The following ZNF804A variants were observed in gnomAD, a reference collection of about 807,000 sequenced individuals.
The protein encoded by ZNF804A is zinc finger protein 804A.
In ZNF804A, 2 loss-of-function variants were observed where a neutral mutation model predicts 16.5. The observed-to-expected ratio is 0.12, with a 90% confidence interval of 0.05 to 0.38. The LOEUF (loss-of-function observed/expected upper bound fraction) is 0.38, where lower values mean the gene tolerates loss of function less well. ZNF804A is among the 10% of genes least tolerant of loss of function. The pLI is 0.99. For synonymous variants in ZNF804A, 534 were observed against 489.6 expected (o/e 1.09, Z -1.20); for missense variants, 1,473 against 1,390.7 (o/e 1.06, Z -0.94).
At chr2:184,810,401 T>C (rs1323886598) in intron 1 of ZNF804A, among the ~76,000 whole-genome samples, 2 of 152,086 alleles carry the variant, frequency 1.3e-5, no homozygotes, top group Non-Finnish European at 2.9e-5. Flanking sequence ...TACTTATTTT[T>C]TTAGATTTAC....
intron 1 of ZNF804A, among the ~76,000 whole-genome samples, chr2:184,695,465 T>TTAAAAAAAA (rs1188268647): frequency 2.5e-4 from 13 of 51,830 alleles, no homozygotes; most frequent in African/African-American, 1.1e-3. Flanking sequence ...ACTCCGTCAT[T>TTAAAAAAAA]AAAAAAAAAA....
rs140502607 is a variant in ZNF804A at position 184,790,625 on chromosome 2, A to G, written c.112-75744A>G. ...TTTTATTTATTTATTTATTTTTGAG[A>G]TGGAGTCTTGCTCTGTTGCCCAGGC... On this transcript the variant is annotated intron_variant, in intron 1 of 3. Transcript: ENST00000302277. 3.1e-3 allele frequency among the ~76,000 whole-genome samples: 474 copies of G among 151,892 alleles called. 2 individuals carry two copies. Among genetic ancestry groups the G allele is most frequent in the Non-Finnish European group, 5.4e-3 (366 of 67,954 alleles).
rs116528567 is a variant in ZNF804A, at chr2:184,914,567, C to T, written c.256-19036C>T. On this transcript the variant is annotated intron_variant, in intron 2 of 3. Coordinates refer to ENST00000302277, the MANE Select transcript of ZNF804A (RefSeq NM_194250.2). Reference sequence around the variant, plus strand: ...CCTAATAACAGAAATTGATATTCCACCTTTATTCTGTGTCTAAGAGTTGGA... The same window carrying T: ...CCTAATAACAGAAATTGATATTCCATCTTTATTCTGTGTCTAAGAGTTGGA... Among the ~76,000 whole-genome samples, 567 of 152,232 alleles carry T rather than the reference C, an allele frequency of 3.7e-3. 3 individuals are homozygous for T. Among genetic ancestry groups the T allele is most frequent in the African/African-American group, 0.013 (545 of 41,534 alleles).
At chr2:184,773,148 T>C (rs1402947166) in intron 1 of ZNF804A, among the ~76,000 whole-genome samples, 1 of 151,486 alleles carries the variant, frequency 6.6e-6, no homozygotes, top group Non-Finnish European at 1.5e-5. Context: ...TTTGACTATT[T>C]TTCTCTATTT....
At chr2:184,705,388 A>T (rs544117571) in intron 1 of ZNF804A, among the ~76,000 whole-genome samples, 30 of 152,226 alleles carry the variant, frequency 2.0e-4, no homozygotes, top group Non-Finnish European at 3.8e-4. Flanking sequence ...AAAAATAAAT[A>T]TGATATTACA....
chr2:184,777,602 TA>T (rs1001375247), intron 1 of ZNF804A, among the ~76,000 whole-genome samples: 6 of 151,548 alleles, frequency 4.0e-5, no homozygotes, highest in African/African-American at 1.5e-4. Flanking sequence ...AAGCCCTAGT[TA>T]AAAAAACAAA....
At position 184,769,066 on chromosome 2, in the gene ZNF804A, G is replaced by T. The variant is rs182337394; in HGVS notation, c.112-97303G>T. 2.5e-4 allele frequency among the ~76,000 whole-genome samples: 38 copies of T among 152,066 alleles called. No individual in the cohort carries two copies. In the East Asian group the frequency reaches 7.2e-3, roughly 29 times the overall value. Reference sequence around the variant, plus strand: ...TTTGCTTTTATTCATATGTTTTATAGCACTTTCATGTCTTGTGTAGAGGGA... The same window carrying T: ...TTTGCTTTTATTCATATGTTTTATATCACTTTCATGTCTTGTGTAGAGGGA... On this transcript the variant is annotated intron_variant, in intron 1 of 3. Coordinates refer to ENST00000302277, the MANE Select transcript of ZNF804A (RefSeq NM_194250.2).
chr2:184,702,891 T>C (rs1692944775), intron 1 of ZNF804A, among the ~76,000 whole-genome samples: 1 of 152,288 alleles, frequency 6.6e-6, no homozygotes, highest in African/African-American at 2.4e-5. Context: ...GTAATGGCAG[T>C]TTTGTTCCTT....
chr2:184,806,907 T>A (rs1221766143), intron 1 of ZNF804A, among the ~76,000 whole-genome samples: 1 of 151,802 alleles, frequency 6.6e-6, no homozygotes, highest in Non-Finnish European at 1.5e-5. Flanking sequence ...TTTATTTAAA[T>A]AGAACAGAAG....
intron 2 of ZNF804A, among the ~76,000 whole-genome samples, chr2:184,873,706 C>T (rs1199616852): frequency 6.6e-6 from 1 of 151,902 alleles, no homozygotes; most frequent in Non-Finnish European, 1.5e-5. Flanking sequence ...CAGTAGAAAA[C>T]TGAACAAAAA....
At chr2:184,699,103 G>A (rs1449597465) in intron 1 of ZNF804A, among the ~76,000 whole-genome samples, 1 of 151,976 alleles carries the variant, frequency 6.6e-6, no homozygotes, top group Non-Finnish European at 1.5e-5. Flanking sequence ...AAGCAGGAAT[G>A]GATAATGATT....
At chr2:184,885,264 C>T (rs559244965) in intron 2 of ZNF804A, among the ~76,000 whole-genome samples, 6 of 152,250 alleles carry the variant, frequency 3.9e-5, no homozygotes, top group South Asian at 4.2e-4. Context: ...GTTCAACCAC[C>T]GTGGAAAACA....
intron 2 of ZNF804A, among the ~76,000 whole-genome samples, chr2:184,918,431 G>A (rs1359245711): frequency 6.6e-6 from 1 of 152,138 alleles, no homozygotes; most frequent in Non-Finnish European, 1.5e-5. Flanking sequence ...AATAGGGAGT[G>A]TGCCTGTCCC....
chr2:184,829,904 AAAAAAAAAAAAAAAAAAACAAAAAC>A (rs574282511), intron 1 of ZNF804A, among the ~76,000 whole-genome samples: 7,584 of 117,576 alleles, frequency 0.065, 883 homozygotes, highest in African/African-American at 0.26. Flanking sequence ...TCTACCAAAA[AAAAAAAAAAAAAAAAAAACAAAAAC>A]AAAAAAAAAA....
chr2:184,875,123 T>C (rs1229773934), intron 2 of ZNF804A, among the ~76,000 whole-genome samples: 1 of 152,232 alleles, frequency 6.6e-6, no homozygotes, highest in African/African-American at 2.4e-5. Context: ...TGTTTTTGGA[T>C]ACTTTTTAAA....
chr2:184,692,638 T>C (rs1402119515), intron 1 of ZNF804A, among the ~76,000 whole-genome samples: 1 of 152,216 alleles, frequency 6.6e-6, no homozygotes, highest in East Asian at 1.9e-4. Context: ...CAAAGAAAGC[T>C]GTAGAATGCT....
At chr2:184,911,500 G>T (rs1685357956) in intron 2 of ZNF804A, among the ~76,000 whole-genome samples, 2 of 151,770 alleles carry the variant, frequency 1.3e-5, no homozygotes, top group Non-Finnish European at 2.9e-5. Flanking sequence ...TTCTAATTTT[G>T]CAAAGAATGA....
intron 1 of ZNF804A, among the ~76,000 whole-genome samples, chr2:184,635,208 A>G (rs1423258893): frequency 6.6e-6 from 1 of 152,184 alleles, no homozygotes; most frequent in Non-Finnish European, 1.5e-5. Context: ...CAAGACAGCT[A>G]TTCTTTCACA....
At chr2:184,751,842 G>A (rs1693882157) in intron 1 of ZNF804A, among the ~76,000 whole-genome samples, 1 of 151,704 alleles carries the variant, frequency 6.6e-6, no homozygotes, top group South Asian at 2.1e-4. Context: ...TTTCTCAAAA[G>A]AAGACATACA....
Sources: allele counts gnomAD v4.1 joint callset (sites outside exome capture counted in the v4.1 genomes callset), GRCh38; gene constraint gnomAD v4.1.1; transcripts MANE v1.5; gene names NCBI Gene and HGNC (gene_info 2026-07-23, HGNC 2026-07-21).